The following TMEM131L variants were observed in gnomAD, a reference collection of about 807,000 sequenced individuals.
TMEM131L encodes the protein transmembrane 131 like, also known as transmembrane protein 131-like.
In TMEM131L, 54 loss-of-function variants were observed where a neutral mutation model predicts 192.2. The ratio of observed to expected loss-of-function variants is 0.28; its 90% CI spans 0.23 to 0.35. The LOEUF is 0.35. Ranked by LOEUF, TMEM131L falls within the 10% of genes least tolerant of loss-of-function variation. The probability of loss-of-function intolerance (pLI) is 1.00; values close to 1 mark genes in which losing one functional copy is unlikely to be tolerated. For missense variants in TMEM131L, 1,888 were observed against 1,972.9 expected (o/e 0.96, Z 0.82); for synonymous variants, 701 against 704.9 (o/e 0.99, Z 0.09).
intron 7 of TMEM131L, among the ~76,000 whole-genome samples, chr4:153,562,340 G>A (rs1728903669): frequency 6.6e-6 from 1 of 152,090 alleles, no homozygotes; most frequent in African/African-American, 2.4e-5. Flanking sequence ...CCAGCCTAAA[G>A]TATTTTTTAA....
intron 3 of TMEM131L, among the ~76,000 whole-genome samples, chr4:153,495,830 G>A (rs1733136390): frequency 6.6e-6 from 1 of 152,164 alleles, no homozygotes; most frequent in South Asian, 2.1e-4. Context: ...GGAATAAAAC[G>A]GGAGGCAGGT....
chr4:153,635,205 C>A (rs1017349184), intron 33 of TMEM131L, among the ~76,000 whole-genome samples: 1 of 152,090 alleles, frequency 6.6e-6, no homozygotes, highest in East Asian at 1.9e-4. Context: ...GAAAAACAAG[C>A]CAGGAGGAAG....
chr4:153,600,344 G>A (rs1471239650), intron 21 of TMEM131L, among the ~76,000 whole-genome samples: 1 of 150,602 alleles, frequency 6.6e-6, no homozygotes, highest in Admixed American at 6.6e-5. Context: ...TCCAGCGTGG[G>A]TGACAGAGTG....
At chr4:153,523,097 A>G (rs1735230472) in intron 3 of TMEM131L, among the ~76,000 whole-genome samples, 1 of 152,152 alleles carries the variant, frequency 6.6e-6, no homozygotes, top group Admixed American at 6.5e-5. Context: ...TTAGTTCTTA[A>G]AAAAAATAGT....
At chr4:153,604,893 C>T (rs138054417) in intron 25 of TMEM131L, among the ~76,000 whole-genome samples, 4,770 of 152,084 alleles carry the variant, frequency 0.031, 168 homozygotes, top group Admixed American at 0.092. Context: ...TTAGTAGAGA[C>T]GAAGTTTCAC....
intron 25 of TMEM131L, 56 bp from the exon 26 acceptor site, chr4:153,612,195 TG>T: frequency 7.8e-7 from 1 of 1,283,258 alleles, no homozygotes; most frequent in Non-Finnish European, 1.1e-6. Context: ...GGAAAGAAGA[TG>T]GGGAATGTGA....
intron 31 of TMEM131L, among the ~76,000 whole-genome samples, chr4:153,631,371 A>G (rs563284882): frequency 1.3e-5 from 2 of 152,316 alleles, no homozygotes; most frequent in African/African-American, 2.4e-5. Flanking sequence ...AGCCCACTGC[A>G]TGAGCACCAG....
chr4:153,483,486 C>T (rs187226883), intron 3 of TMEM131L, among the ~76,000 whole-genome samples: 2 of 152,158 alleles, frequency 1.3e-5, no homozygotes, highest in African/African-American at 4.8e-5. Context: ...GGCTTGAGCT[C>T]AGGAGTTCGA....
chr4:153,605,119 G>T (rs1475605059), intron 25 of TMEM131L, among the ~76,000 whole-genome samples: 1 of 152,154 alleles, frequency 6.6e-6, no homozygotes, highest in Admixed American at 6.5e-5. Context: ...CACCATCTCA[G>T]GTTGCCTGGC....
chr4:153,537,539 G>A (rs1736427120), intron 3 of TMEM131L, among the ~76,000 whole-genome samples: 1 of 152,150 alleles, frequency 6.6e-6, no homozygotes, highest in African/African-American at 2.4e-5. Context: ...ACCGTATAGG[G>A]TAACATACTG....
intron 23 of TMEM131L, 138 bp downstream of exon 23, chr4:153,602,865 A>G: frequency 1.3e-6 from 1 of 768,328 alleles, no homozygotes; most frequent in Non-Finnish European, 2.2e-6. Flanking sequence ...GAACTGTGAC[A>G]TCCATGAAGT....
At position 153,588,123 on chromosome 4, in the gene TMEM131L, G is replaced by A. The variant is rs1730824729; in HGVS notation, c.1552+312G>A. On this transcript the variant is annotated intron_variant, in intron 15 of 34. Transcript: ENST00000409959. ...AATTGGAAGATTCTGATTCTTTTAT[G>A]AAAGAACTGACTAGAAGTTAGTAAA... Among the ~76,000 whole-genome samples the A allele has an allele frequency of 6.1e-5, 9 of 147,706 alleles. No homozygotes were observed. The Admixed American group carries it at 6.1e-4, about 10-fold the overall frequency.
chr4:153,473,198 A>G (rs1478771484), intron 2 of TMEM131L, among the ~76,000 whole-genome samples: 1 of 152,196 alleles, frequency 6.6e-6, no homozygotes, highest in Non-Finnish European at 1.5e-5. Context: ...GTTCTTGAGC[A>G]GGGACTGAAG....
At chr4:153,627,542 C>T (rs1194003551) in intron 30 of TMEM131L, 63 bp from the exon 31 acceptor site, 10 of 1,259,490 alleles carry the variant, frequency 7.9e-6, no homozygotes, top group South Asian at 1.2e-5. Context: ...CGTGGTTATA[C>T]AATATCAGTA....
At chr4:153,504,133 A>AT (rs1386830085) in intron 3 of TMEM131L, among the ~76,000 whole-genome samples, 45 of 149,064 alleles carry the variant, frequency 3.0e-4, no homozygotes, top group African/African-American at 1.0e-3. Flanking sequence ...CGCCCGGCTA[A>AT]TTTTTTTTGT....
intron 25 of TMEM131L, among the ~76,000 whole-genome samples, chr4:153,608,987 GC>G (rs1405863971): frequency 6.6e-6 from 1 of 151,904 alleles, no homozygotes; most frequent in Non-Finnish European, 1.5e-5. Context: ...GTCTTCTCCT[GC>G]CCCCTTTATT....
chr4:153,485,331 AGTTT>A (rs1330216681), intron 3 of TMEM131L, among the ~76,000 whole-genome samples: 1 of 152,052 alleles, frequency 6.6e-6, no homozygotes. Context: ...GTTCTTACCC[AGTTT>A]GTTCAGGTAT....
intron 7 of TMEM131L, among the ~76,000 whole-genome samples, chr4:153,578,899 C>G (rs982214663): frequency 2.0e-5 from 3 of 152,114 alleles, no homozygotes; most frequent in African/African-American, 7.2e-5. Flanking sequence ...CTCAGATGAT[C>G]CACCCACCTC....
At position 153,615,461 on chromosome 4, in the gene TMEM131L, C is replaced by T. The variant is rs189493725; in HGVS notation, c.3567+3061C>T. Reference sequence around the variant, plus strand: ...CTGTGAGGTGTGCACAGAGAAAAGGCGAGGGCCTTGAGTTCAAACTTTGGG... The same window carrying T: ...CTGTGAGGTGTGCACAGAGAAAAGGTGAGGGCCTTGAGTTCAAACTTTGGG... On this transcript the variant is annotated intron_variant, in intron 26 of 34. Coordinates refer to ENST00000409959, the MANE Select transcript of TMEM131L (RefSeq NM_001131007.2). Among the ~76,000 whole-genome samples the T allele has an allele frequency of 8.5e-5, 13 of 152,134 alleles. No individual in the cohort carries two copies. The East Asian group carries it at 1.2e-3, about 14-fold the overall frequency.
Sources: allele counts gnomAD v4.1 joint callset (sites outside exome capture counted in the v4.1 genomes callset), GRCh38; gene constraint gnomAD v4.1.1; transcripts MANE v1.5; gene names NCBI Gene and HGNC (gene_info 2026-07-23, HGNC 2026-07-21).